CSMD2: variants seen among roughly 807,000 people sequenced by gnomAD.
CSMD2 encodes CUB and Sushi multiple domains 2, also known as CUB and sushi domain-containing protein 2.
CSMD2 carries 130 observed loss-of-function variants against 398.5 expected under a neutral mutation model. The observed-to-expected ratio is 0.33, with a 90% CI of 0.28 to 0.38. The LOEUF (loss-of-function observed/expected upper bound fraction) is 0.38, where lower values mean the gene tolerates loss of function less well. Ranked by LOEUF, CSMD2 falls within the 10% of genes least tolerant of loss-of-function variation. The pLI is 1.00. For synonymous variants in CSMD2, 1,828 were observed against 1,908.5 expected (o/e 0.96, Z 1.10); for missense variants, 3,829 against 4,764.9 (o/e 0.80, Z 5.78).
At chr1:33,638,275 G>A (rs1232856957) in intron 29 of CSMD2, among the ~76,000 whole-genome samples, 1 of 152,168 alleles carries the variant, frequency 6.6e-6, no homozygotes, top group Non-Finnish European at 1.5e-5. Context: ...TGACCCATAT[G>A]TGAGTCATAG....
At chr1:33,539,687 T>C (rs2148589766) in intron 60 of CSMD2, among the ~76,000 whole-genome samples, 1 of 152,324 alleles carries the variant, frequency 6.6e-6, no homozygotes, top group African/African-American at 2.4e-5. Context: ...TTTTTCATGA[T>C]GACCATAATT....
chr1:34,089,132 T>C lies in CSMD2; in HGVS notation c.249A>G (p.Pro83=), dbSNP rs375331841. The C allele has an allele frequency of 6.2e-7, 1 of 1,614,198 alleles. No individual in the cohort carries two copies. Among genetic ancestry groups the C allele is most frequent in the Non-Finnish European group, 8.5e-7 (1 of 1,180,040 alleles). The change falls in exon 2 of 71, where the codon CCA becomes CCG. Residue 83 remains proline (P), a synonymous_variant. Transcript: ENST00000373381. The part of the protein sequence containing the change: ...PNGTVESPGF[P]YGYPNYANCT... ...AGTTGGCGTAATTGGGGTAGCCATA[T>C]GGGAACCCTGGGCTCTCAACTGTCC...
At chr1:34,142,389 C>G (rs541225057) in intron 1 of CSMD2, among the ~76,000 whole-genome samples, 6 of 152,288 alleles carry the variant, frequency 3.9e-5, no homozygotes, top group Admixed American at 1.3e-4. Flanking sequence ...TCAGAAGCCA[C>G]CTGGTGCCCC....
rs576857043 is a variant in CSMD2, at chr1:34,033,180, A to G, written c.405-474T>C. Among the ~76,000 whole-genome samples the G allele has an allele frequency of 1.1e-4, 17 of 152,390 alleles. No individual in the cohort carries two copies. In the South Asian group the frequency reaches 3.3e-3, roughly 30 times the overall value. ...AGGAATGTCTACTGCTTTTATAGAA[A>G]TAAGTGCCTATTAGTTTTTAAAGAA... On this transcript the variant is annotated intron_variant, in intron 2 of 70. Transcript: ENST00000373381.
intron 3 of CSMD2, among the ~76,000 whole-genome samples, chr1:34,020,077 A>G (rs1188988367): frequency 1.3e-5 from 2 of 152,182 alleles, no homozygotes; most frequent in Non-Finnish European, 2.9e-5. Context: ...CAGTCATAGC[A>G]TATGTCAGGA....
At chr1:34,150,079 CT>C (rs772520303) in intron 1 of CSMD2, among the ~76,000 whole-genome samples, 1 of 138,078 alleles carries the variant, frequency 7.2e-6, no homozygotes, top group African/African-American at 2.7e-5. Context: ...TTTCTTCTTT[CT>C]TTTTTTTTTG....
chr1:34,064,065 T>G (rs183859963), intron 2 of CSMD2, among the ~76,000 whole-genome samples: 2 of 152,146 alleles, frequency 1.3e-5, no homozygotes, highest in African/African-American at 4.8e-5. Context: ...GCACACAGCA[T>G]GGGGATCCTG....
chr1:33,885,920 C>T (rs1359824501), intron 5 of CSMD2, among the ~76,000 whole-genome samples: 1 of 152,038 alleles, frequency 6.6e-6, no homozygotes, highest in Admixed American at 6.6e-5. Flanking sequence ...TTTCTGGGCT[C>T]AATTTCCTCA....
chr1:33,716,673 C>A (rs190742234), intron 19 of CSMD2, among the ~76,000 whole-genome samples, 172 bp from the exon 20 acceptor site: 1 of 152,316 alleles, frequency 6.6e-6, no homozygotes, highest in East Asian at 1.9e-4. Flanking sequence ...AACCTGAACA[C>A]ACAAGTGCCC....
Position 33,624,622 on chromosome 1 carries a change from G to A in CSMD2, c.5522C>T (p.Thr1841Ile). ...GGACAGGATGGTGCCCCTGCGCTCTGTGAGGTTGCCTCCACACGGCACTGG... is the reference window on the plus strand; with the variant it reads ...GGACAGGATGGTGCCCCTGCGCTCTATGAGGTTGCCTCCACACGGCACTGG... ...TCVVPCGGNL[T>I]ERRGTILSPG... Residue 1841 changes from threonine (T) to isoleucine (I), a missense_variant, in exon 35 of 71, where the codon ACA becomes ATA. By Grantham distance (89) the Thr-to-Ile change is moderately conservative (BLOSUM62 -1). Transcript: ENST00000373381. The surrounding 1 kb of genome is among the most constrained non-coding windows in gnomAD (Gnocchi z 4.7). The A allele has an allele frequency of 1.9e-6, 3 of 1,613,694 alleles. No homozygotes were observed. The highest frequency in any genetic ancestry group is 2.5e-6 in the Non-Finnish European group (3 of 1,179,750).
At position 33,661,361 on chromosome 1, in the gene CSMD2, C is replaced by A. The variant is rs545905766; in HGVS notation, c.4255+1529G>T. Among the ~76,000 whole-genome samples, 4 of 152,278 alleles carry A rather than the reference C, an allele frequency of 2.6e-5. No individual in the cohort carries two copies. The South Asian group carries it at 8.3e-4, about 32-fold the overall frequency. ...ATCCTTCCATTGCTTATTCCAGCAACTTCCCAAGTTTGTTCCACGAAATGT... is the reference window on the plus strand; with the variant it reads ...ATCCTTCCATTGCTTATTCCAGCAAATTCCCAAGTTTGTTCCACGAAATGT... On this transcript the variant is annotated intron_variant, in intron 26 of 70. Coordinates refer to ENST00000373381, the MANE Select transcript of CSMD2 (RefSeq NM_001281956.2).
rs535048618 is a variant in CSMD2 at position 33,625,472 on chromosome 1, C to G, written c.5297-218G>C. Among the ~76,000 whole-genome samples, 50 of 152,306 alleles carry G rather than the reference C, an allele frequency of 3.3e-4. 1 individual carries two copies. The South Asian group carries it at 9.9e-3, about 30-fold the overall frequency. ...GCTACAGCACAGCTCCTGGAAAGCA[C>G]GGGAGGTAGAGCCGTGGACCTCCCA... is the stretch of plus-strand genomic sequence containing the variant. On this transcript the variant is annotated intron_variant, in intron 33 of 70. Coordinates refer to ENST00000373381, the MANE Select transcript of CSMD2 (RefSeq NM_001281956.2).
chr1:33,571,447 C>T (rs149777747), intron 51 of CSMD2, 85 bp downstream of exon 51: 13,325 of 1,098,692 alleles, frequency 0.012, 127 homozygotes, highest in Non-Finnish European at 0.012. Context: ...CCCCTTTTTC[C>T]CCCACCCCAG....
chr1:33,566,396 C>A (rs1036920789), intron 53 of CSMD2, among the ~76,000 whole-genome samples: 1 of 151,286 alleles, frequency 6.6e-6, no homozygotes, highest in African/African-American at 2.4e-5. Flanking sequence ...AAACAGAGAG[C>A]AGAATGGTGG....
intron 2 of CSMD2, among the ~76,000 whole-genome samples, chr1:34,049,879 G>T (rs964042545): frequency 4.9e-4 from 74 of 152,116 alleles, no homozygotes; most frequent in African/African-American, 1.5e-3. Context: ...AGGTAGTTAG[G>T]ATTAGATGAG....
intron 1 of CSMD2, among the ~76,000 whole-genome samples, chr1:34,151,059 G>A (rs1263199051): frequency 1.3e-5 from 2 of 152,152 alleles, no homozygotes; most frequent in African/African-American, 2.4e-5. Context: ...CTGCTCCCTC[G>A]AAGATATTCT....
intron 6 of CSMD2, among the ~76,000 whole-genome samples, chr1:33,830,135 C>T (rs1210179595): frequency 3.3e-5 from 5 of 152,242 alleles, no homozygotes; most frequent in African/African-American, 1.2e-4. Flanking sequence ...ATGCCCCCAT[C>T]TGACAGCTTT....
chr1:34,095,092 A>G (rs1659122048), intron 1 of CSMD2, among the ~76,000 whole-genome samples: 1 of 114,402 alleles, frequency 8.7e-6, no homozygotes, highest in Non-Finnish European at 1.8e-5. Flanking sequence ...ACTAGAACTC[A>G]GGATTAAGAA....
At chr1:34,114,279 G>A (rs1326477793) in intron 1 of CSMD2, among the ~76,000 whole-genome samples, 1 of 148,734 alleles carries the variant, frequency 6.7e-6, no homozygotes, top group African/African-American at 2.5e-5. Context: ...ACTCTGTAAA[G>A]ACTGGGAGAA....
Sources: gnomAD v4.1 joint callset for allele counts (sites outside exome capture counted in the v4.1 genomes callset) on GRCh38, gnomAD v4.1.1 for gene constraint, Gnocchi (gnomAD v3.1) non-coding constraint, MANE v1.5 for transcripts, NCBI Gene and HGNC (gene_info 2026-07-23, HGNC 2026-07-21) for gene names.